Variants in PRKAA2 observed in about 807,000 individuals in gnomAD.
PRKAA2 encodes the protein 5'-AMP-activated protein kinase catalytic subunit alpha-2.
PRKAA2 carries 40 observed loss-of-function variants against 56.3 expected under a neutral mutation model. The ratio of observed to expected loss-of-function variants is 0.71; its 90% confidence interval spans 0.55 to 0.92. The LOEUF (loss-of-function observed/expected upper bound fraction) is 0.92. PRKAA2 is among the 40% of genes least tolerant of loss of function. The pLI, the probability that PRKAA2 is intolerant of heterozygous loss-of-function variation, is 0.00. For synonymous variants in PRKAA2, 214 were observed against 234.2 expected (o/e 0.91, Z 0.79); for missense variants, 542 against 686.9 (o/e 0.79, Z 2.36).
intron 2 of PRKAA2, among the ~76,000 whole-genome samples, chr1:56,678,215 T>A (rs1183858998): frequency 6.6e-6 from 1 of 152,160 alleles, no homozygotes; most frequent in African/African-American, 2.4e-5. Flanking sequence ...GTAGATCTGA[T>A]CTTAAAACAA....
chr1:56,702,934 G>T (rs1644306797), intron 6 of PRKAA2, among the ~76,000 whole-genome samples: 1 of 152,054 alleles, frequency 6.6e-6, no homozygotes, highest in South Asian at 2.1e-4. Context: ...GGTTCTTTTT[G>T]TCCATAGTAT....
intron 1 of PRKAA2, among the ~76,000 whole-genome samples, chr1:56,657,335 G>C (rs1213243504): frequency 6.6e-6 from 1 of 152,154 alleles, no homozygotes; most frequent in African/African-American, 2.4e-5. Context: ...AGAGGTAAAA[G>C]AAACAAACTG....
At chr1:56,690,493 A>G (rs181815803) in intron 2 of PRKAA2, among the ~76,000 whole-genome samples, 4 of 152,310 alleles carry the variant, frequency 2.6e-5, no homozygotes, top group Admixed American at 2.0e-4. Context: ...TAAAATAATT[A>G]ACAACATTAT....
rs1644349012 is a variant in PRKAA2, at chr1:56,708,620, T to C, written c.*907T>C. 1 of 152,238 alleles carries C rather than the reference T, an allele frequency of 6.6e-6. No homozygotes were observed. Among genetic ancestry groups the C allele is most frequent in the Non-Finnish European group, 1.5e-5 (1 of 68,046 alleles). The allele number at this position is 152,238 out of a possible 1,614,324, so 9.4% of individuals were successfully genotyped here. On this transcript the variant is annotated 3_prime_UTR_variant, in exon 9 of 9. Transcript: ENST00000371244. ...AATGAGAATCCTTATCTTTGATCTT[T>C]ATTTTCTGTGTTAGGTGTTAGGGTC...
rs370323086 is a variant in PRKAA2 at position 56,713,341 on chromosome 1, C to T, written c.*5628C>T. The T allele has an allele frequency of 4.6e-5, 7 of 152,166 alleles. No individual in the cohort carries two copies. The South Asian group carries it at 1.4e-3, about 31-fold the overall frequency. The allele number at this position is 152,166 out of a possible 1,614,324, so 9.4% of individuals were successfully genotyped here. A position where few individuals can be genotyped will look rare whatever the true frequency, so the allele number is the denominator to read the frequency against. On this transcript the variant is annotated 3_prime_UTR_variant, in exon 9 of 9. Transcript: ENST00000371244. The stretch of plus-strand genomic sequence containing the variant: ...TTTTGCAAGCTAATGTTAATGTTTA[C>T]TGCCAGCCTTGCATAGCAATGCCAG...
At chr1:56,663,269 T>G (rs1243316788) in intron 1 of PRKAA2, among the ~76,000 whole-genome samples, 1 of 152,166 alleles carries the variant, frequency 6.6e-6, no homozygotes, top group African/African-American at 2.4e-5. Context: ...ACAATATTTT[T>G]GAAGAGACGG....
At chr1:56,650,334 G>A (rs540326786) in intron 1 of PRKAA2, among the ~76,000 whole-genome samples, 39 of 152,216 alleles carry the variant, frequency 2.6e-4, no homozygotes, top group Non-Finnish European at 4.7e-4. Context: ...GACTGTTTTT[G>A]GAAACAGATT....
chr1:56,705,980 A>T (rs1644329117), intron 7 of PRKAA2, 112 bp from the exon 8 acceptor site: 1 of 909,136 alleles, frequency 1.1e-6, no homozygotes, highest in African/African-American at 1.7e-5. Context: ...ATATAAAAAA[A>T]TTATTCGTAT....
Position 56,645,324 on chromosome 1 carries a change from T to G in PRKAA2, c.-64T>G. 7.5e-7 allele frequency: 1 copy of G among 1,340,696 alleles called. No homozygotes were observed. Among genetic ancestry groups the G allele is most frequent in the Non-Finnish European group, 9.8e-7 (1 of 1,017,962 alleles). The allele number at this position is 1,340,696 out of a possible 1,614,324, so 83.0% of individuals were successfully genotyped here. On this transcript the variant is annotated 5_prime_UTR_variant, in exon 1 of 9. Transcript: ENST00000371244. The stretch of plus-strand genomic sequence containing the variant: ...CCCGCAGGGCCCGCTGCACTGTGGG[T>G]AGGCGGCGGCGGCGGCGGCTACGCG...
At chr1:56,701,405 A>T (rs1644292720) in intron 6 of PRKAA2, among the ~76,000 whole-genome samples, 1 of 146,180 alleles carries the variant, frequency 6.8e-6, no homozygotes, top group Non-Finnish European at 1.5e-5. Context: ...AAAAAAAAAT[A>T]TATATAGAAA....
rs370043578 is a variant in PRKAA2, at chr1:56,704,487, T to C, written c.1293+12T>C. 2.7e-5 allele frequency: 42 copies of C among 1,573,144 alleles called. No individual in the cohort carries two copies. Among genetic ancestry groups the C allele is most frequent in the Non-Finnish European group, 3.5e-5 (41 of 1,166,306 alleles). ...ATTTTGAATGGAAGGTAGGAAATTA[T>C]AATGTAATAAGATCATTTGTAGAAG... On this transcript the variant is annotated intron_variant, in intron 7 of 8. Transcript: ENST00000371244.
intron 1 of PRKAA2, among the ~76,000 whole-genome samples, chr1:56,649,474 G>A (rs775109456): frequency 5.3e-5 from 8 of 152,090 alleles, no homozygotes; most frequent in Non-Finnish European, 7.4e-5. Flanking sequence ...TTGAGCCCAG[G>A]GGTTCAAGAC....
At chr1:56,667,639 G>A (rs558456005) in intron 1 of PRKAA2, among the ~76,000 whole-genome samples, 1 of 152,164 alleles carries the variant, frequency 6.6e-6, no homozygotes, top group South Asian at 2.1e-4. Flanking sequence ...CTAAGTCTTA[G>A]TTTCCACATC....
At chr1:56,688,983 C>T (rs1296959186) in intron 2 of PRKAA2, among the ~76,000 whole-genome samples, 1 of 152,138 alleles carries the variant, frequency 6.6e-6, no homozygotes, top group Non-Finnish European at 1.5e-5. Context: ...TCTAGACTGG[C>T]CTTTAGTGTA....
At chr1:56,664,467 GAT>G (rs1644018975) in intron 1 of PRKAA2, among the ~76,000 whole-genome samples, 1 of 141,242 alleles carries the variant, frequency 7.1e-6, no homozygotes, top group Non-Finnish European at 1.5e-5. Context: ...TTTTAGTTCA[GAT>G]GTTGTTTCTG....
intron 1 of PRKAA2, among the ~76,000 whole-genome samples, chr1:56,662,406 T>C (rs1644002073): frequency 6.6e-6 from 1 of 152,020 alleles, no homozygotes; most frequent in Admixed American, 6.5e-5. Context: ...ACATTTTTAA[T>C]TTTTAATTTT....
chr1:56,674,657 C>G (rs1644100633), intron 2 of PRKAA2, 135 bp downstream of exon 2: 2 of 691,010 alleles, frequency 2.9e-6, no homozygotes, highest in Admixed American at 9.7e-5. Flanking sequence ...AGTGTTAATT[C>G]ATTTAACCTT....
rs1455148518 is a variant in PRKAA2, at chr1:56,711,865, A to G, written c.*4152A>G. 1.3e-5 allele frequency: 2 copies of G among 152,272 alleles called. No individual in the cohort carries two copies. The highest frequency in any genetic ancestry group is 2.4e-5 in the African/African-American group (1 of 41,572). 9.4% of individuals were successfully genotyped at this position (152,272 alleles called of 1,614,324 possible). On this transcript the variant is annotated 3_prime_UTR_variant, in exon 9 of 9. Transcript: ENST00000371244. ...CACTTTTTATATATTTAGAGTTTTT[A>G]TATGAGTGTGAATGTTTCTGTTTTG... is the stretch of plus-strand genomic sequence containing the variant.
chr1:56,689,770 G>T (rs536179852), intron 2 of PRKAA2, among the ~76,000 whole-genome samples: 1 of 152,120 alleles, frequency 6.6e-6, no homozygotes, highest in African/African-American at 2.4e-5. Context: ...ACTTGGTTTG[G>T]TAAAATTGTG....
Sources: allele counts gnomAD v4.1 joint callset (sites outside exome capture counted in the v4.1 genomes callset), GRCh38; gene constraint gnomAD v4.1.1; transcripts MANE v1.5; gene names NCBI Gene and HGNC (gene_info 2026-07-23, HGNC 2026-07-21).